Variants in LRP1B observed in about 807,000 individuals in gnomAD.
The protein encoded by LRP1B is LDL receptor related protein 1B, also known as low-density lipoprotein receptor-related protein 1B.
A neutral mutation model predicts 556.6 loss-of-function variants in LRP1B; 217 were observed. The observed-to-expected ratio is 0.39, with a 90% CI of 0.35 to 0.44. The LOEUF is 0.44. LRP1B is among the 20% of genes least tolerant of loss of function. LRP1B has a pLI of 1.00. For missense variants in LRP1B, 5,053 were observed against 5,620.8 expected (o/e 0.90, Z 3.23); for synonymous variants, 2,047 against 1,865.8 (o/e 1.10, Z -2.50).
intron 5 of LRP1B, among the ~76,000 whole-genome samples, chr2:141,242,765 C>G (rs935029677): frequency 1.3e-5 from 2 of 152,026 alleles, no homozygotes; most frequent in African/African-American, 4.8e-5. Context: ...CCTAGGGGTT[C>G]AGGAGAATTT....
intron 41 of LRP1B, among the ~76,000 whole-genome samples, chr2:140,624,361 G>A (rs1350854673): frequency 3.3e-5 from 5 of 152,188 alleles, no homozygotes; most frequent in Middle Eastern, 3.4e-3. Context: ...CGTTGGCATC[G>A]AACTGTAGCA....
chr2:140,906,479 G>A (rs1283079819), intron 22 of LRP1B, among the ~76,000 whole-genome samples: 1 of 151,982 alleles, frequency 6.6e-6, no homozygotes, highest in Non-Finnish European at 1.5e-5. Flanking sequence ...CTTGAAAGAT[G>A]GGGAAGAGGG....
chr2:140,285,839 C>T (rs112184214), intron 84 of LRP1B, among the ~76,000 whole-genome samples: 3,048 of 55,206 alleles, frequency 0.055, 91 homozygotes, highest in African/African-American at 0.11. Context: ...AGAAGGGATT[C>T]AGTCATTACT....
intron 9 of LRP1B, among the ~76,000 whole-genome samples, chr2:141,056,797 C>T (rs1699189914): frequency 6.6e-6 from 1 of 151,806 alleles, no homozygotes; most frequent in African/African-American, 2.4e-5. Flanking sequence ...CTTGGACTTC[C>T]CCCTTCAACT....
intron 35 of LRP1B, among the ~76,000 whole-genome samples, chr2:140,749,738 T>A (rs1164418277): frequency 6.6e-6 from 1 of 152,164 alleles, no homozygotes; most frequent in Non-Finnish European, 1.5e-5. Flanking sequence ...TAACTTTTTT[T>A]AATAAGTAGA....
At position 140,936,439 on chromosome 2, in the gene LRP1B, C is replaced by T. The variant is rs1011587174; in HGVS notation, c.3137-13292G>A. 1.1e-4 allele frequency among the ~76,000 whole-genome samples: 16 copies of T among 151,556 alleles called. 1 individual carries two copies. Among genetic ancestry groups the T allele is most frequent in the African/African-American group, 1.9e-4 (8 of 41,302 alleles). On this transcript the variant is annotated intron_variant, in intron 20 of 90. Coordinates refer to ENST00000389484, the MANE Select transcript of LRP1B (RefSeq NM_018557.3). ...AAGAATCCTGTATTTGGCAAAACTG[C>T]CCTTCAAAATTGAAGGTGAAATTAA...
chr2:140,903,905 T>C (rs911257426), intron 22 of LRP1B, among the ~76,000 whole-genome samples: 3 of 151,984 alleles, frequency 2.0e-5, no homozygotes, highest in Admixed American at 6.6e-5. Flanking sequence ...AATTACATGA[T>C]TACATATGAT....
intron 7 of LRP1B, among the ~76,000 whole-genome samples, chr2:141,086,138 T>C (rs1700041747): frequency 6.6e-6 from 1 of 152,220 alleles, no homozygotes; most frequent in South Asian, 2.1e-4. Flanking sequence ...AACTTTCCCT[T>C]ATATTAGTTA....
chr2:141,642,563 A>T (rs1689376190), intron 2 of LRP1B, among the ~76,000 whole-genome samples: 1 of 152,164 alleles, frequency 6.6e-6, no homozygotes, highest in Admixed American at 6.6e-5. Flanking sequence ...GACCTTCTTA[A>T]ATCACTTGGA....
chr2:141,911,896 A>C (rs543978168), intron 1 of LRP1B, among the ~76,000 whole-genome samples: 1 of 152,182 alleles, frequency 6.6e-6, no homozygotes, highest in African/African-American at 2.4e-5. Flanking sequence ...CGTGGTCATC[A>C]ATTTTTCCTT....
intron 1 of LRP1B, among the ~76,000 whole-genome samples, chr2:142,108,469 A>G (rs1706839256): frequency 6.6e-6 from 1 of 152,224 alleles, no homozygotes; most frequent in South Asian, 2.1e-4. Flanking sequence ...AATGTTATTG[A>G]CTACTATCCT....
intron 82 of LRP1B, among the ~76,000 whole-genome samples, chr2:140,316,784 C>CA (rs1684538013): frequency 6.6e-6 from 1 of 151,730 alleles, no homozygotes; most frequent in African/African-American, 2.4e-5. Flanking sequence ...ATATTAAGTA[C>CA]ATAAGTGTTA....
At chr2:141,175,677 T>C (rs1574155554) in intron 7 of LRP1B, among the ~76,000 whole-genome samples, 1 of 152,000 alleles carries the variant, frequency 6.6e-6, no homozygotes, top group East Asian at 1.9e-4. Context: ...GAATGTGGGG[T>C]TGGAGCTCCC....
At chr2:140,280,717 A>C (rs1005862944) in intron 84 of LRP1B, among the ~76,000 whole-genome samples, 82 of 151,846 alleles carry the variant, frequency 5.4e-4, no homozygotes, top group African/African-American at 1.9e-3. Context: ...TACCCAAAGT[A>C]ATGTCTTCCT....
intron 1 of LRP1B, among the ~76,000 whole-genome samples, chr2:141,909,816 A>G (rs1699861863): frequency 6.6e-6 from 1 of 152,042 alleles, no homozygotes; most frequent in Non-Finnish European, 1.5e-5. Flanking sequence ...GTACATAGCA[A>G]TGTCATATAC....
intron 3 of LRP1B, among the ~76,000 whole-genome samples, chr2:141,379,933 T>C (rs955533020): frequency 2.6e-5 from 4 of 152,108 alleles, no homozygotes; most frequent in African/African-American, 9.7e-5. Context: ...CTGCCTAAAA[T>C]GGGTGGGTGA....
intron 1 of LRP1B, among the ~76,000 whole-genome samples, chr2:142,056,695 T>C (rs1704684858): frequency 6.6e-6 from 1 of 152,102 alleles, no homozygotes; most frequent in Admixed American, 6.6e-5. Context: ...ATTTTGTCCT[T>C]GCCATAGTCT....
rs990534479 is a variant in LRP1B, at chr2:140,592,446, C to CT, written c.7194+6184dup. Among the ~76,000 whole-genome samples the CT allele has an allele frequency of 2.1e-3, 298 of 143,950 alleles. 1 individual carries two copies. Among genetic ancestry groups the CT allele is most frequent in the Middle Eastern group, 0.011 (3 of 284 alleles). 94.4% of individuals were successfully genotyped at this position (143,950 alleles called of 152,430 possible). On this transcript the variant is annotated intron_variant, in intron 43 of 90. Coordinates refer to ENST00000389484, the MANE Select transcript of LRP1B (RefSeq NM_018557.3). ...CTTTAATTTTTAAATCAAATATTTC[C>CT]TTTTTTTTTTTAGAAGTTGACACTC...
intron 7 of LRP1B, among the ~76,000 whole-genome samples, chr2:141,120,440 A>G (rs1882635): frequency 0.97 from 147,251 of 151,926 alleles, 71,561 homozygotes; most frequent in East Asian, 1. Flanking sequence ...TGAAGAATAC[A>G]AAATTGACAA....
Sources: gnomAD v4.1 joint callset for allele counts (sites outside exome capture counted in the v4.1 genomes callset) on GRCh38, gnomAD v4.1.1 for gene constraint, MANE v1.5 for transcripts, NCBI Gene and HGNC (gene_info 2026-07-23, HGNC 2026-07-21) for gene names.